CNST: variants seen among roughly 807,000 people sequenced by gnomAD.
CNST encodes consortin.
In CNST, 39 loss-of-function variants were observed where a neutral mutation model predicts 72.4. The ratio of observed to expected loss-of-function variants is 0.54; its 90% CI spans 0.42 to 0.70. The LOEUF (loss-of-function observed/expected upper bound fraction) is 0.70. Ranked by LOEUF, CNST falls within the 30% of genes least tolerant of loss-of-function variation. CNST has a pLI of 0.00. For synonymous variants in CNST, 332 were observed against 320.1 expected (o/e 1.04, Z -0.40); for missense variants, 871 against 868.5 (o/e 1.00, Z -0.04).
At chr1:246,584,096 A>G (rs936891599) in intron 1 of CNST, among the ~76,000 whole-genome samples, 2 of 152,114 alleles carry the variant, frequency 1.3e-5, no homozygotes, top group Admixed American at 1.3e-4. Context: ...ACACGCCACC[A>G]AGCTCACCTA....
chr1:246,652,801 G>A (rs192293826), intron 9 of CNST, among the ~76,000 whole-genome samples: 125 of 150,986 alleles, frequency 8.3e-4, no homozygotes, highest in African/African-American at 2.8e-3. Context: ...TCAGGAGATC[G>A]AGACCATCCT....
In CNST at chr1:246,591,885, T is replaced by A. The variant is rs757771014; in HGVS notation, c.323T>A (p.Ile108Asn). The change falls in exon 2 of 11, where the codon ATT (isoleucine) becomes AAT (asparagine). Residue 108 changes from isoleucine (I) to asparagine (N), a missense_variant. Physicochemically the swap from Ile to Asn is moderately radical, Grantham distance 149. Transcript: ENST00000366513. ...GCCTTCTTGGGAAAGGACAAAAAAA[T>A]TCCTGGAAAAAGAAGTCCAAGAAGC... is the stretch of plus-strand genomic sequence containing the variant. ...EQAFLGKDKK[I>N]PGKRSPRSKK... 16 of 1,613,726 alleles carry A rather than the reference T, an allele frequency of 9.9e-6. No homozygotes were observed. The highest frequency in any genetic ancestry group is 2.2e-5 in the East Asian group (1 of 44,884).
Position 246,641,873 on chromosome 1 carries a change from T to C in CNST, c.841-68T>C, listed in dbSNP as rs902060173. 1.9e-5 allele frequency: 27 copies of C among 1,386,194 alleles called. No individual in the cohort carries two copies. The African/African-American group carries it at 3.8e-4, about 19-fold the overall frequency. 85.9% of individuals were successfully genotyped at this position (1,386,194 alleles called of 1,614,324 possible). On this transcript the variant is annotated intron_variant, in intron 7 of 10. Coordinates refer to ENST00000366513, the MANE Select transcript of CNST (RefSeq NM_152609.3). Reference sequence around the variant, plus strand: ...AAATGAGGAAACCTTTCCCAAGTTATTTTCAGCTTCCTAGTTTAATACAAC... The same window carrying C: ...AAATGAGGAAACCTTTCCCAAGTTACTTTCAGCTTCCTAGTTTAATACAAC...
At chr1:246,653,533 G>A (rs1309849048) in intron 9 of CNST, among the ~76,000 whole-genome samples, 1 of 152,186 alleles carries the variant, frequency 6.6e-6, no homozygotes, top group East Asian at 1.9e-4. Flanking sequence ...TAATGTAAGA[G>A]GTTTTAGAAA....
intron 2 of CNST, among the ~76,000 whole-genome samples, chr1:246,603,076 G>T (rs1386581631): frequency 6.6e-6 from 1 of 152,006 alleles, no homozygotes; most frequent in Non-Finnish European, 1.5e-5. Flanking sequence ...TTTATGTGAA[G>T]AAAAATTAAG....
At chr1:246,602,361 T>C (rs935186304) in intron 2 of CNST, among the ~76,000 whole-genome samples, 2 of 152,164 alleles carry the variant, frequency 1.3e-5, no homozygotes, top group African/African-American at 4.8e-5. Context: ...AAGTCTCTTA[T>C]GAGGTTGCAG....
Position 246,666,259 on chromosome 1 carries a change from T to A in CNST, c.*354T>A, listed in dbSNP as rs113081237. 5.2e-4 allele frequency: 94 copies of A among 179,548 alleles called. No individual in the cohort carries two copies. The highest frequency in any genetic ancestry group is 2.0e-3 in the African/African-American group (87 of 42,566). 11.1% of individuals were successfully genotyped at this position (179,548 alleles called of 1,614,324 possible). A position where few individuals can be genotyped will look rare whatever the true frequency, so the allele number is the denominator to read the frequency against. Reference sequence around the variant, plus strand: ...TCAAGCTAATGGTTAAAGAACACTTTTGGTTTACACTTGTTGGGTCATAGA... The same window carrying A: ...TCAAGCTAATGGTTAAAGAACACTTATGGTTTACACTTGTTGGGTCATAGA... On this transcript the variant is annotated 3_prime_UTR_variant, in exon 11 of 11. Transcript: ENST00000366513.
chr1:246,605,693 T>C (rs1166722402), intron 2 of CNST, among the ~76,000 whole-genome samples: 1 of 145,658 alleles, frequency 6.9e-6, no homozygotes, highest in Non-Finnish European at 1.5e-5. Flanking sequence ...GGGGTAGGTG[T>C]CTTCCGGCCG....
intron 9 of CNST, among the ~76,000 whole-genome samples, chr1:246,657,873 C>T (rs763718554): frequency 8.5e-5 from 13 of 152,112 alleles, no homozygotes; most frequent in South Asian, 4.2e-4. Context: ...GGCTTGTATC[C>T]GTTTCTTGAA....
chr1:246,648,233 G>A (rs1413667575), intron 9 of CNST, 196 bp downstream of exon 9: 33 of 1,360,520 alleles, frequency 2.4e-5, no homozygotes, highest in East Asian at 2.8e-5. Flanking sequence ...TCATTGCAAT[G>A]TTCATACTAC....
At chr1:246,659,474 A>C (rs1405234240) in intron 9 of CNST, among the ~76,000 whole-genome samples, 1 of 152,170 alleles carries the variant, frequency 6.6e-6, no homozygotes, top group Non-Finnish European at 1.5e-5. Context: ...GGGTGCCTGT[A>C]GTCCCAGCTA....
Position 246,665,801 on chromosome 1 carries a change from A to G in CNST, c.2074A>G (p.Met692Val), listed in dbSNP as rs1444494498. The change falls in exon 11 of 11, where the codon ATG (methionine) becomes GTG (valine). Residue 692 changes from methionine to valine, a missense_variant. Physicochemically the swap from Met to Val is conservative, Grantham distance 21. Coordinates refer to ENST00000366513, the MANE Select transcript of CNST (RefSeq NM_152609.3). ...GTALYCTFGD[M>V]ESPVCTDFAD... ...TGCATTATACTGCACTTTCGGTGAC[A>G]TGGAGTCACCTGTTTGTACTGACTT... is the stretch of plus-strand genomic sequence containing the variant. The G allele has an allele frequency of 2.5e-6, 4 of 1,612,928 alleles. No individual in the cohort carries two copies. The highest frequency in any genetic ancestry group is 1.7e-5 in the Admixed American group (1 of 60,022).
rs1491252940 is a variant in CNST at position 246,642,132 on chromosome 1, G to GTTT, written c.937+95_937+96insTTT. ...ACATCTGAATTGCTGCAAAGGATCT[G>GTTT]GTTTTTTTTTTTTTTTTTTTTTGCA... On this transcript the variant is annotated intron_variant, in intron 8 of 10. Coordinates refer to ENST00000366513, the MANE Select transcript of CNST (RefSeq NM_152609.3). 6.3e-3 allele frequency: 1,250 copies of GTTT among 197,920 alleles called. 74 individuals carry two copies. Among genetic ancestry groups the GTTT allele is most frequent in the African/African-American group, 0.017 (312 of 18,802 alleles). 12.3% of individuals were successfully genotyped at this position (197,920 alleles called of 1,614,324 possible).
intron 8 of CNST, among the ~76,000 whole-genome samples, chr1:246,645,679 G>A (rs796486805): frequency 1.2e-3 from 174 of 151,158 alleles, no homozygotes; most frequent in African/African-American, 3.9e-3. Context: ...CATCCGCCTC[G>A]GCCTCCCAAA....
At chr1:246,659,425 T>C (rs1439410763) in intron 9 of CNST, among the ~76,000 whole-genome samples, 1 of 152,050 alleles carries the variant, frequency 6.6e-6, no homozygotes, top group Non-Finnish European at 1.5e-5. Context: ...AAACCCCGTC[T>C]CTACTGAAAA....
intron 3 of CNST, among the ~76,000 whole-genome samples, chr1:246,628,127 T>C (rs1558570311): frequency 6.6e-6 from 1 of 152,134 alleles, no homozygotes; most frequent in Non-Finnish European, 1.5e-5. Flanking sequence ...TTTCATGTTT[T>C]TCTGCCTGCT....
chr1:246,571,477 C>G (rs1396717653), intron 1 of CNST, among the ~76,000 whole-genome samples: 3 of 152,146 alleles, frequency 2.0e-5, no homozygotes, highest in Non-Finnish European at 4.4e-5. Flanking sequence ...GTTTTGAGAT[C>G]CTGCTCTTTA....
chr1:246,648,044 CA>C lies in CNST; in HGVS notation c.1836+8del. The C allele has an allele frequency of 6.3e-7, 1 of 1,591,190 alleles. No individual in the cohort carries two copies. The highest frequency in any genetic ancestry group is 1.1e-5 in the South Asian group (1 of 87,320). ...AAGGATAGAGATTGCAGAGGTAAAT[CA>C]GAGATGAAGTACAATTAAAAGTAAA... On this transcript the variant is annotated splice_region_variant and intron_variant, in intron 9 of 10. Transcript: ENST00000366513.
intron 9 of CNST, among the ~76,000 whole-genome samples, chr1:246,657,764 A>C (rs1199025435): frequency 6.6e-6 from 1 of 152,186 alleles, no homozygotes; most frequent in East Asian, 1.9e-4. Context: ...GACCAGCTCT[A>C]GGTTCAGTTG....
Sources: allele counts gnomAD v4.1 joint callset (sites outside exome capture counted in the v4.1 genomes callset), GRCh38; gene constraint gnomAD v4.1.1; transcripts MANE v1.5; gene names NCBI Gene and HGNC (gene_info 2026-07-23, HGNC 2026-07-21).